The following C6orf89 variants were observed in gnomAD, a reference collection of about 807,000 sequenced individuals.
The protein encoded by C6orf89 is chromosome 6 open reading frame 89.
A neutral mutation model predicts 40.7 loss-of-function variants in C6orf89; 29 were observed. The observed-to-expected ratio is 0.71, with a 90% CI of 0.53 to 0.97. The LOEUF (loss-of-function observed/expected upper bound fraction) is 0.97. C6orf89 is among the 50% of genes least tolerant of loss of function. The probability of loss-of-function intolerance (pLI) is 0.00; values close to 1 mark genes in which losing one functional copy is unlikely to be tolerated. For synonymous variants in C6orf89, 165 were observed against 152.2 expected (o/e 1.08, Z -0.62); for missense variants, 392 against 429.1 (o/e 0.91, Z 0.76).
chr6:36,874,878 T>G, intron 1 of C6orf89: 12 of 1,274,836 alleles, frequency 9.4e-6, no homozygotes, highest in South Asian at 1.3e-5. Context: ...ACCCTTTCGA[T>G]ACCAGGATTT....
chr6:36,872,186 C>G (rs1211480820), intron 1 of C6orf89, among the ~76,000 whole-genome samples: 3 of 151,384 alleles, frequency 2.0e-5, no homozygotes, highest in Admixed American at 6.6e-5. Context: ...TTATCTGAAA[C>G]CAATATAACC....
intron 3 of C6orf89, among the ~76,000 whole-genome samples, 159 bp downstream of exon 3, chr6:36,899,792 C>T (rs1459626855): frequency 6.6e-6 from 1 of 152,268 alleles, no homozygotes; most frequent in East Asian, 1.9e-4. Flanking sequence ...GGAAATTTGA[C>T]TGTGTTGTTA....
upstream of C6orf89, among the ~76,000 whole-genome samples, chr6:36,882,727 CTTTTTTCTT>C (rs1216928387): frequency 1.7e-5 from 1 of 57,458 alleles, no homozygotes; most frequent in Non-Finnish European, 4.4e-5. Context: ...TTTTTTTTTT[CTTTTTTCTT>C]TTTTTTTTTT....
chr6:36,892,822 C>T (rs1303451296), intron 1 of C6orf89: 1 of 152,294 alleles, frequency 6.6e-6, no homozygotes, highest in Non-Finnish European at 1.5e-5. Context: ...TGTAGCAAAG[C>T]TCACTTTGGC....
intron 1 of C6orf89, among the ~76,000 whole-genome samples, chr6:36,886,233 T>A (rs1482136088): frequency 1.3e-5 from 2 of 152,198 alleles, no homozygotes; most frequent in Non-Finnish European, 2.9e-5. Context: ...CCTTAAGACA[T>A]CTGTCACTTT....
At chr6:36,898,470 G>T (rs1040949962) in intron 2 of C6orf89, among the ~76,000 whole-genome samples, 1 of 151,520 alleles carries the variant, frequency 6.6e-6, no homozygotes, top group East Asian at 1.9e-4. Flanking sequence ...GTAGAGGCGG[G>T]GTTTCTCCGT....
intron 1 of C6orf89, among the ~76,000 whole-genome samples, chr6:36,872,265 A>G (rs1427425006): frequency 6.6e-6 from 1 of 152,200 alleles, no homozygotes; most frequent in Non-Finnish European, 1.5e-5. Context: ...ACATTAAAAT[A>G]TCAGGAGTTC....
chr6:36,899,156 G>A (rs183185724), intron 2 of C6orf89, among the ~76,000 whole-genome samples: 13 of 152,226 alleles, frequency 8.5e-5, no homozygotes, highest in Middle Eastern at 3.4e-3. Context: ...TTGTGCTCTA[G>A]ACCAGTGCTC....
At chr6:36,922,612 A>T (rs1194265633) in intron 8 of C6orf89, among the ~76,000 whole-genome samples, 3 of 152,174 alleles carry the variant, frequency 2.0e-5, no homozygotes, top group African/African-American at 7.2e-5. Flanking sequence ...TGCATAGTAC[A>T]TTATTAGTGT....
chr6:36,886,060 G>T, intron 1 of C6orf89, 32 bp downstream of exon 1: 1 of 1,195,332 alleles, frequency 8.4e-7, no homozygotes, highest in Non-Finnish European at 1.0e-6. Context: ...CTGGGTGGGG[G>T]GAGGCCGCCC....
In C6orf89 at chr6:36,899,424, A is replaced by G. The variant is rs762460277; in HGVS notation, c.-19-2A>G. 1.1e-5 allele frequency: 17 copies of G among 1,613,678 alleles called. No individual in the cohort carries two copies. The East Asian group carries it at 3.1e-4, about 30-fold the overall frequency. On this transcript the variant is annotated splice_acceptor_variant, in intron 2 of 8. Coordinates refer to ENST00000480824, the MANE Select transcript of C6orf89 (RefSeq NM_001286635.2). LOFTEE classifies it low-confidence loss of function (5UTR_SPLICE). ...CATTTATTTTCTCTCCGTCTCTCTC[A>G]GGGATTTTATATTGGAAGACATGGA...
intron 4 of C6orf89, among the ~76,000 whole-genome samples, chr6:36,907,343 C>T (rs1761966349): frequency 6.6e-6 from 1 of 151,766 alleles, no homozygotes; most frequent in South Asian, 2.1e-4. Context: ...TGTAACAGTA[C>T]TCTCCCCACT....
upstream of C6orf89, among the ~76,000 whole-genome samples, chr6:36,882,830 C>T (rs888576953): frequency 5.3e-5 from 8 of 150,028 alleles, no homozygotes; most frequent in African/African-American, 1.7e-4. Flanking sequence ...CTCCGCTTCC[C>T]GGGTTCACGC....
intron 2 of C6orf89, among the ~76,000 whole-genome samples, chr6:36,895,196 A>G (rs1761376220): frequency 6.6e-6 from 1 of 152,346 alleles, no homozygotes; most frequent in Middle Eastern, 3.4e-3. Flanking sequence ...TGTGATTACA[A>G]AATTGATACA....
chr6:36,909,817 A>G (rs912836206), intron 4 of C6orf89, among the ~76,000 whole-genome samples: 2 of 152,118 alleles, frequency 1.3e-5, no homozygotes, highest in African/African-American at 4.8e-5. Context: ...TGTTAATTCA[A>G]ACAGAGGCTT....
rs746996130 is a variant in C6orf89, at chr6:36,878,759, T to G, written c.-627-249T>G. ...GGCCATACTTCAACAACTCATAGAC[T>G]GCCGAATGTTCAAATTGCATTCAAA... is the stretch of plus-strand genomic sequence containing the variant. On this transcript the variant is annotated intron_variant, in intron 1 of 9. Coordinates refer to the C6orf89 transcript ENST00000359359. Among the ~76,000 whole-genome samples the G allele has an allele frequency of 4.9e-4, 75 of 152,252 alleles. 1 individual carries two copies. Among genetic ancestry groups the G allele is most frequent in the Non-Finnish European group, 1.8e-4 (12 of 68,048 alleles).
At chr6:36,882,468 A>G (rs1232569627), upstream of C6orf89, among the ~76,000 whole-genome samples, 2 of 152,262 alleles carry the variant, frequency 1.3e-5, no homozygotes, top group Non-Finnish European at 2.9e-5. Flanking sequence ...GCATGGACTC[A>G]TGAAGAACCA....
At chr6:36,922,748 G>C (rs901243695) in intron 8 of C6orf89, among the ~76,000 whole-genome samples, 7 of 152,208 alleles carry the variant, frequency 4.6e-5, no homozygotes, top group African/African-American at 1.7e-4. Flanking sequence ...GGGCAATGCT[G>C]GTTTAGGTTT....
At chr6:36,886,815 T>A (rs1775008924) in intron 1 of C6orf89, among the ~76,000 whole-genome samples, 1 of 152,254 alleles carries the variant, frequency 6.6e-6, no homozygotes, top group Non-Finnish European at 1.5e-5. Context: ...ATTCGTTCAT[T>A]TGAATTTGGG....
Sources: gnomAD v4.1 joint callset for allele counts (sites outside exome capture counted in the v4.1 genomes callset) on GRCh38, gnomAD v4.1.1 for gene constraint, MANE v1.5 for transcripts, NCBI Gene and HGNC (gene_info 2026-07-23, HGNC 2026-07-21) for gene names.